GPR158: variants seen among roughly 807,000 people sequenced by gnomAD.
GPR158 encodes the protein metabotropic glycine receptor.
In GPR158, 30 loss-of-function variants were observed where a neutral mutation model predicts 78.2. That is an observed-to-expected ratio of 0.38 (90% confidence interval 0.29 to 0.52). The LOEUF is 0.52. GPR158 is among the 20% of genes least tolerant of loss of function. The pLI, the probability that GPR158 is intolerant of heterozygous loss-of-function variation, is 0.83. For synonymous variants in GPR158, 581 were observed against 591.1 expected (o/e 0.98, Z 0.25); for missense variants, 1,463 against 1,523.5 (o/e 0.96, Z 0.66).
rs891563100 is a variant in GPR158, at chr10:25,475,762, T to C, written c.1404+9043T>C. 9 of 152,246 alleles carry C rather than the reference T, an allele frequency of 5.9e-5. No homozygotes were observed. In the East Asian group the frequency reaches 1.7e-3, roughly 29 times the overall value. 9.4% of individuals were successfully genotyped at this position (152,246 alleles called of 1,614,324 possible). ...TTCCTGGTGTGGGCTATACTAGAAT[T>C]GTTCATGAAAGTTCTACTGGGAGGT... On this transcript the variant is annotated intron_variant, in intron 5 of 10. Coordinates refer to ENST00000376351, the MANE Select transcript of GPR158 (RefSeq NM_020752.3).
rs184416443 is a variant in GPR158 at position 25,227,512 on chromosome 10, G to A, written c.1008+6355G>A. The stretch of plus-strand genomic sequence containing the variant: ...TTAGTCTATTCACATATAATTAGGT[G>A]TACTAGGCCTCTCTCTTTGAGGACA... On this transcript the variant is annotated intron_variant, in intron 2 of 10. Coordinates refer to ENST00000376351, the MANE Select transcript of GPR158 (RefSeq NM_020752.3). Among the ~76,000 whole-genome samples the A allele has an allele frequency of 5.3e-5, 8 of 152,234 alleles. No individual in the cohort carries two copies. In the East Asian group the frequency reaches 1.5e-3, roughly 29 times the overall value.
chr10:25,256,671 T>C (rs1353124873), intron 2 of GPR158, among the ~76,000 whole-genome samples: 1 of 151,728 alleles, frequency 6.6e-6, no homozygotes, highest in Non-Finnish European at 1.5e-5. Flanking sequence ...GGTGACAGAG[T>C]GAGACTCTAT....
chr10:25,592,869 A>G (rs1020905036), intron 8 of GPR158, among the ~76,000 whole-genome samples: 3 of 143,590 alleles, frequency 2.1e-5, no homozygotes, highest in East Asian at 2.1e-4. Context: ...AGAGACTGTT[A>G]CTTGTTACTG....
chr10:25,274,991 T>C (rs1262178726), intron 2 of GPR158, among the ~76,000 whole-genome samples: 1 of 152,136 alleles, frequency 6.6e-6, no homozygotes, highest in East Asian at 1.9e-4. Flanking sequence ...TATTTGAAAA[T>C]TAGTTGGGGG....
chr10:25,450,439 G>T (rs1312649107), intron 4 of GPR158, among the ~76,000 whole-genome samples: 1 of 148,254 alleles, frequency 6.7e-6, no homozygotes, highest in Non-Finnish European at 1.5e-5. Context: ...GGCATTGTGA[G>T]TTTTTTTCTT....
At chr10:25,357,776 G>T (rs141202810) in intron 2 of GPR158, among the ~76,000 whole-genome samples, 2 of 149,046 alleles carry the variant, frequency 1.3e-5, no homozygotes, top group Admixed American at 1.3e-4. Context: ...GGAAATGTGG[G>T]GTCAGAGCTC....
chr10:25,456,569 A>G (rs931851234), intron 4 of GPR158, among the ~76,000 whole-genome samples: 4 of 152,218 alleles, frequency 2.6e-5, no homozygotes, highest in Non-Finnish European at 2.9e-5. Context: ...TGTGAGCAGT[A>G]GAATTTTAAA....
intron 3 of GPR158, among the ~76,000 whole-genome samples, chr10:25,404,997 C>T (rs1002671755): frequency 6.6e-6 from 1 of 152,076 alleles, no homozygotes; most frequent in Non-Finnish European, 1.5e-5. Context: ...CAAAATTCTA[C>T]CCCCGATTCT....
At chr10:25,466,814 AC>A in intron 5 of GPR158, 95 bp downstream of exon 5, 4 of 538,314 alleles carry the variant, frequency 7.4e-6, no homozygotes, top group Non-Finnish European at 9.4e-6. Context: ...ACATACACAC[AC>A]CCTGGTGTTA....
chr10:25,356,679 C>A (rs1287792752), intron 2 of GPR158, among the ~76,000 whole-genome samples: 2 of 152,086 alleles, frequency 1.3e-5, no homozygotes, highest in African/African-American at 2.4e-5. Flanking sequence ...TTGCCTTCTG[C>A]CATGATTGTG....
intron 2 of GPR158, among the ~76,000 whole-genome samples, chr10:25,294,631 A>AG (rs1854485916): frequency 6.6e-6 from 1 of 152,032 alleles, no homozygotes; most frequent in Non-Finnish European, 1.5e-5. Flanking sequence ...GTGGAAAAAA[A>AG]AAATGGCAAC....
chr10:25,285,949 C>T (rs192191553), intron 2 of GPR158, among the ~76,000 whole-genome samples: 3 of 152,286 alleles, frequency 2.0e-5, no homozygotes, highest in East Asian at 1.9e-4. Context: ...TTAAAGGTGG[C>T]ATTCCATTGT....
At position 25,423,528 on chromosome 10, in the gene GPR158, C is replaced by T. The variant is rs189412352; in HGVS notation, c.1335+11055C>T. On this transcript the variant is annotated intron_variant, in intron 4 of 10. Transcript: ENST00000376351. ...ATTAGGTATTTCTCTTAATGCTATC[C>T]GTCCCCCATGCCCCAACCTATGACA... Among the ~76,000 whole-genome samples the T allele has an allele frequency of 1.1e-4, 16 of 152,006 alleles. No individual in the cohort carries two copies. In the East Asian group the frequency reaches 2.9e-3, roughly 28 times the overall value.
chr10:25,293,859 C>T (rs1588780430), intron 2 of GPR158, among the ~76,000 whole-genome samples: 2 of 151,846 alleles, frequency 1.3e-5, no homozygotes, highest in Admixed American at 6.6e-5. Flanking sequence ...GATTCTCCTG[C>T]CTCAGCCTCC....
chr10:25,271,648 A>G (rs947627991), intron 2 of GPR158, among the ~76,000 whole-genome samples: 4 of 152,294 alleles, frequency 2.6e-5, no homozygotes, highest in Admixed American at 1.3e-4. Context: ...ATACAGTTCT[A>G]TGCCAGCGCA....
intron 2 of GPR158, among the ~76,000 whole-genome samples, chr10:25,299,357 A>C (rs1319733267): frequency 6.6e-6 from 1 of 152,136 alleles, no homozygotes; most frequent in Non-Finnish European, 1.5e-5. Context: ...ATTGGAGAAA[A>C]ACTGTATGTT....
At chr10:25,269,360 T>TG (rs1228453563) in intron 2 of GPR158, among the ~76,000 whole-genome samples, 1 of 152,214 alleles carries the variant, frequency 6.6e-6, no homozygotes, top group Non-Finnish European at 1.5e-5. Flanking sequence ...CCTTTGTCTA[T>TG]GTTTTTATCA....
At chr10:25,195,974 T>A (rs1365130258) in intron 1 of GPR158, among the ~76,000 whole-genome samples, 1 of 152,216 alleles carries the variant, frequency 6.6e-6, no homozygotes, top group South Asian at 2.1e-4. Flanking sequence ...TTTCTCCTTA[T>A]GGAAACTTTT....
At chr10:25,597,656 A>T in intron 10 of GPR158, 116 bp from the exon 11 acceptor site, 1 of 646,450 alleles carries the variant, frequency 1.5e-6, no homozygotes, top group Non-Finnish European at 2.5e-6. Flanking sequence ...AGAAAGCTGT[A>T]GAGCAGTTGC....
Sources: gnomAD v4.1 joint callset for allele counts (sites outside exome capture counted in the v4.1 genomes callset) on GRCh38, gnomAD v4.1.1 for gene constraint, MANE v1.5 for transcripts, NCBI Gene and HGNC (gene_info 2026-07-23, HGNC 2026-07-21) for gene names.